The following ARHGEF10L variants were observed in gnomAD, a reference collection of about 807,000 sequenced individuals.
The protein encoded by ARHGEF10L is rho guanine nucleotide exchange factor 10-like protein.
Under a neutral mutation model 141.2 loss-of-function variants are expected in ARHGEF10L, and 69 were observed. The ratio of observed to expected loss-of-function variants is 0.49; its 90% CI spans 0.40 to 0.60. ARHGEF10L has a LOEUF of 0.60. Among genes scored for constraint, ARHGEF10L ranks in the 20% least tolerant of loss-of-function variants. The pLI, the probability that ARHGEF10L is intolerant of heterozygous loss-of-function variation, is 0.00. For missense variants in ARHGEF10L, 1,482 were observed against 1,734.3 expected (o/e 0.85, Z 2.58); for synonymous variants, 711 against 718.5 (o/e 0.99, Z 0.17).
intron 3 of ARHGEF10L, among the ~76,000 whole-genome samples, chr1:17,587,940 G>C (rs938057219): frequency 3.3e-5 from 5 of 152,220 alleles, no homozygotes; most frequent in African/African-American, 1.2e-4. Context: ...CCTCCCTGCA[G>C]CTTCTCCTAA....
rs750374490 is a variant in ARHGEF10L, at chr1:17,603,970, G to C, written c.433+379G>C. On this transcript the variant is annotated intron_variant, in intron 6 of 28. Coordinates refer to ENST00000361221, the MANE Select transcript of ARHGEF10L (RefSeq NM_018125.4). This position sits in a 1 kb window ranked among gnomAD's most constrained non-coding sequence, Gnocchi z 4.8. ...CAGATAAAGCTTTGCAAAGCCCTGCGCCCTGCTCTGGGTTGAGGGCTGAGG... is the reference window on the plus strand; with the variant it reads ...CAGATAAAGCTTTGCAAAGCCCTGCCCCCTGCTCTGGGTTGAGGGCTGAGG... Among the ~76,000 whole-genome samples, 1 of 152,162 alleles carries C rather than the reference G, an allele frequency of 6.6e-6. No homozygotes were observed. Among genetic ancestry groups the C allele is most frequent in the Non-Finnish European group, 1.5e-5 (1 of 68,032 alleles).
the ARHGEF10L span, among the ~76,000 whole-genome samples, chr1:17,525,689 A>G: frequency 2.6e-5 from 4 of 151,862 alleles, no homozygotes; most frequent in African/African-American, 9.7e-5. Flanking sequence ...AAATAAAATC[A>G]TTCTTTTAAT....
At chr1:17,631,482 C>T (rs1354413583) in intron 15 of ARHGEF10L, among the ~76,000 whole-genome samples, 2 of 152,172 alleles carry the variant, frequency 1.3e-5, no homozygotes, top group South Asian at 2.1e-4. Context: ...ACCTAAGAGG[C>T]GAGACAGGCC....
At position 17,684,370 on chromosome 1, in the gene ARHGEF10L, G is replaced by A. The variant is rs77507333; in HGVS notation, c.3010-3203G>A. Among the ~76,000 whole-genome samples, 432 of 152,288 alleles carry A rather than the reference G, an allele frequency of 2.8e-3. 2 individuals carry two copies. The highest frequency in any genetic ancestry group is 0.01 in the African/African-American group (418 of 41,562). On this transcript the variant is annotated intron_variant, in intron 26 of 28. Coordinates refer to ENST00000361221, the MANE Select transcript of ARHGEF10L (RefSeq NM_018125.4). ...CGGGCTGTGGGCAGCAGATATGGGC[G>A]GAGGGCTAGAGAGATGGGGGCATGG... is the stretch of plus-strand genomic sequence containing the variant.
intron 1 of ARHGEF10L, among the ~76,000 whole-genome samples, chr1:17,566,793 G>A (rs1029149891): frequency 6.6e-6 from 1 of 152,208 alleles, no homozygotes; most frequent in Non-Finnish European, 1.5e-5. Context: ...GGGACCAAGT[G>A]CTCATCAGCA....
At chr1:17,542,595 G>A (rs996010890) in intron 1 of ARHGEF10L, among the ~76,000 whole-genome samples, 1 of 152,184 alleles carries the variant, frequency 6.6e-6, no homozygotes, top group Non-Finnish European at 1.5e-5. Context: ...AGAGTGGAAA[G>A]AATACATGTA....
intron 27 of ARHGEF10L, chr1:17,694,501 A>C: frequency 5.6e-6 from 1 of 179,390 alleles, no homozygotes; most frequent in Admixed American, 5.6e-5. Flanking sequence ...TGCTAAAATG[A>C]AGAGACAGAG....
intron 1 of ARHGEF10L, among the ~76,000 whole-genome samples, chr1:17,572,249 AT>A (rs975564112): frequency 2.6e-5 from 4 of 152,160 alleles, no homozygotes; most frequent in African/African-American, 9.6e-5. Flanking sequence ...TACTGGGTCC[AT>A]TTTGGGAGCC....
Position 17,697,268 on chromosome 1 carries a change from G to A in ARHGEF10L, c.3728G>A (p.Gly1243Asp), listed in dbSNP as rs1321446122. The change falls in exon 29 of 29, where the codon GGC becomes GAC. Residue 1243 changes from glycine (G) to aspartate (D), a missense_variant. By Grantham distance (94) the Gly-to-Asp change is moderately conservative (BLOSUM62 -1). Coordinates refer to ENST00000361221, the MANE Select transcript of ARHGEF10L (RefSeq NM_018125.4). The surrounding 1 kb of genome is among the most constrained non-coding windows in gnomAD (Gnocchi z 4.8). The stretch of plus-strand genomic sequence containing the variant: ...ATTTGCTCTGTGGCCATCATCTCCG[G>A]CGGGCAGGGCTACCGCAACTTTGGC... ...KEICSVAIIS[G>D]GQGYRNFGSA... 6.2e-7 allele frequency: 1 copy of A among 1,612,644 alleles called. No homozygotes were observed. The highest frequency in any genetic ancestry group is 8.5e-7 in the Non-Finnish European group (1 of 1,179,840).
intron 4 of ARHGEF10L, among the ~76,000 whole-genome samples, chr1:17,596,662 G>A (rs983728638): frequency 8.5e-5 from 13 of 152,228 alleles, no homozygotes; most frequent in Admixed American, 1.3e-4. Flanking sequence ...AGGGACCCTT[G>A]GAGGTTCACT....
chr1:17,514,448 A>T, the ARHGEF10L span, among the ~76,000 whole-genome samples: 1 of 152,014 alleles, frequency 6.6e-6, no homozygotes, highest in African/African-American at 2.4e-5. Flanking sequence ...CCAGTTCCAA[A>T]TTTCTGAGGC....
chr1:17,683,173 T>TGGTGCTCACTGCCCCCTGCTCTCACCGG (rs1569619439), intron 26 of ARHGEF10L, among the ~76,000 whole-genome samples: 1 of 81,150 alleles, frequency 1.2e-5, no homozygotes, highest in East Asian at 4.0e-4. Context: ...GCTCTCACCG[T>TGGTGCTCACTGCCCCCTGCTCTCACCGG]GGTGCTCACT....
chr1:17,679,245 G>A (rs1391913437), intron 26 of ARHGEF10L, among the ~76,000 whole-genome samples: 8 of 152,178 alleles, frequency 5.3e-5, no homozygotes, highest in East Asian at 1.9e-4. Context: ...CGTTGCACCC[G>A]GAGCCTCCCT....
At chr1:17,655,677 C>A (rs1208214717) in intron 23 of ARHGEF10L, among the ~76,000 whole-genome samples, 1 of 152,224 alleles carries the variant, frequency 6.6e-6, no homozygotes, top group Non-Finnish European at 1.5e-5. Context: ...TAGCTCCTTA[C>A]CTGATTTCCT....
chr1:17,535,884 G>A (rs1030057931), upstream of ARHGEF10L, among the ~76,000 whole-genome samples: 3 of 152,168 alleles, frequency 2.0e-5, no homozygotes, highest in Non-Finnish European at 2.9e-5. Context: ...GATACCACCC[G>A]GAATGAGACA....
chr1:17,580,784 C>T (rs2078477771), intron 2 of ARHGEF10L, 152 bp downstream of exon 2: 1 of 879,870 alleles, frequency 1.1e-6, no homozygotes, highest in Admixed American at 2.1e-5. Context: ...TCCTCTATCT[C>T]ACGTTCCTTG....
intron 22 of ARHGEF10L, among the ~76,000 whole-genome samples, chr1:17,650,076 G>T (rs2061827300): frequency 6.6e-6 from 1 of 152,104 alleles, no homozygotes; most frequent in African/African-American, 2.4e-5. Flanking sequence ...GCATTTTTTG[G>T]ATCCTTCTGG....
At chr1:17,649,918 G>A (rs1289933434) in intron 22 of ARHGEF10L, among the ~76,000 whole-genome samples, 1 of 152,204 alleles carries the variant, frequency 6.6e-6, no homozygotes, top group African/African-American at 2.4e-5. Context: ...GAGGAGAGAG[G>A]GCGGGCCCCG....
intron 4 of ARHGEF10L, among the ~76,000 whole-genome samples, chr1:17,590,129 A>C (rs2079403270): frequency 6.6e-6 from 1 of 152,150 alleles, no homozygotes; most frequent in Non-Finnish European, 1.5e-5. Context: ...ATGCTCATTC[A>C]GAAGAGAGAC....
Sources: allele counts gnomAD v4.1 joint callset (sites outside exome capture counted in the v4.1 genomes callset), GRCh38; gene constraint gnomAD v4.1.1; non-coding constraint Gnocchi (gnomAD v3.1); transcripts MANE v1.5; gene names NCBI Gene and HGNC (gene_info 2026-07-23, HGNC 2026-07-21).